Variants in STARD13 observed in about 807,000 individuals in gnomAD.
STARD13 encodes stAR-related lipid transfer protein 13.
A neutral mutation model predicts 106.4 loss-of-function variants in STARD13; 62 were observed. The observed-to-expected ratio is 0.58, with a 90% CI of 0.48 to 0.72. The LOEUF (loss-of-function observed/expected upper bound fraction) is 0.72. Ranked by LOEUF, STARD13 falls within the 30% of genes least tolerant of loss-of-function variation. STARD13 has a pLI of 0.00. For missense variants in STARD13, 1,387 were observed against 1,424.0 expected (o/e 0.97, Z 0.42); for synonymous variants, 565 against 553.0 (o/e 1.02, Z -0.31).
chr13:33,531,054 T>A, the STARD13 span, among the ~76,000 whole-genome samples: 1 of 152,140 alleles, frequency 6.6e-6, no homozygotes, highest in African/African-American at 2.4e-5. Flanking sequence ...AACTGAATCA[T>A]GAGGGCAGGT....
At chr13:33,513,298 A>G in the STARD13 span, among the ~76,000 whole-genome samples, 1 of 152,172 alleles carries the variant, frequency 6.6e-6, no homozygotes, top group African/African-American at 2.4e-5. Context: ...GGGATCACTG[A>G]GTTCTATTTG....
chr13:33,424,364 A>G, the STARD13 span, among the ~76,000 whole-genome samples: 1 of 152,204 alleles, frequency 6.6e-6, no homozygotes. Context: ...AGTGCTCTTC[A>G]GGATTGTGAG....
chr13:33,483,101 G>C, the STARD13 span, among the ~76,000 whole-genome samples: 11 of 152,206 alleles, frequency 7.2e-5, no homozygotes, highest in Non-Finnish European at 1.6e-4. Flanking sequence ...AAATTCTAAA[G>C]TGAGTTAAGG....
At chr13:33,388,954 CTTT>C in the STARD13 span, among the ~76,000 whole-genome samples, 7 of 128,376 alleles carry the variant, frequency 5.5e-5, no homozygotes, top group Non-Finnish European at 6.6e-5. Flanking sequence ...AGGGGTCCTT[CTTT>C]TTTTTTTTTT....
In STARD13 at chr13:33,117,947, C is replaced by T. The variant is rs1875635758; in HGVS notation, c.2281+118G>A. 2.0e-6 allele frequency: 3 copies of T among 1,520,996 alleles called. No individual in the cohort carries two copies. The Admixed American group carries it at 6.1e-5, about 31-fold the overall frequency. 94.2% of individuals were successfully genotyped at this position (1,520,996 alleles called of 1,614,324 possible). A position where few individuals can be genotyped will look rare whatever the true frequency, so the allele number is the denominator to read the frequency against. On this transcript the variant is annotated intron_variant, in intron 8 of 13. Coordinates refer to ENST00000336934, the MANE Select transcript of STARD13 (RefSeq NM_178006.4). ...ACTTCCGTAGAGGAGAGCAGGATTA[C>T]ATACATCTTTATGGATTGATGTATT...
intron 1 of STARD13, among the ~76,000 whole-genome samples, chr13:33,181,884 G>A (rs1885272894): frequency 6.6e-6 from 1 of 151,216 alleles, no homozygotes; most frequent in Non-Finnish European, 1.5e-5. Context: ...GAGAGATTTA[G>A]TCTTGGAAGA....
the STARD13 span, among the ~76,000 whole-genome samples, chr13:33,359,792 A>C: frequency 6.6e-5 from 10 of 152,220 alleles, no homozygotes; most frequent in Non-Finnish European, 1.5e-4. Flanking sequence ...AGTTTGTAGA[A>C]ATTTGGAGGT....
At chr13:33,201,149 T>C (rs1328223093) in intron 1 of STARD13, among the ~76,000 whole-genome samples, 1 of 152,158 alleles carries the variant, frequency 6.6e-6, no homozygotes, top group Non-Finnish European at 1.5e-5. Flanking sequence ...TGGGATGAGA[T>C]GGAAATGTTC....
chr13:33,390,947 G>A, the STARD13 span, among the ~76,000 whole-genome samples: 1 of 152,008 alleles, frequency 6.6e-6, no homozygotes, highest in African/African-American at 2.4e-5. Flanking sequence ...TCTTTAACAG[G>A]ACATACTGAT....
intron 7 of STARD13, among the ~76,000 whole-genome samples, chr13:33,121,878 T>G (rs1159457924): frequency 6.6e-6 from 1 of 150,692 alleles, no homozygotes; most frequent in African/African-American, 2.4e-5. Context: ...AAAGTCTCGC[T>G]CTTATCCCCC....
At chr13:33,113,057 C>A in intron 8 of STARD13, 126 bp from the exon 9 acceptor site, 5 of 652,848 alleles carry the variant, frequency 7.7e-6, no homozygotes, top group Non-Finnish European at 1.0e-5. Context: ...CAAAAACAAC[C>A]AGAACAGCAG....
At chr13:33,264,459 G>A (rs1890795967) in intron 1 of STARD13, among the ~76,000 whole-genome samples, 1 of 152,188 alleles carries the variant, frequency 6.6e-6, no homozygotes, top group African/African-American at 2.4e-5. Flanking sequence ...GAAACAGCCA[G>A]GGAATGAGTC....
At chr13:33,335,629 C>T (rs2077887397) in intron 1 of STARD13, among the ~76,000 whole-genome samples, 1 of 152,226 alleles carries the variant, frequency 6.6e-6, no homozygotes, top group Admixed American at 6.5e-5. Flanking sequence ...TAACGGTAAG[C>T]ATAGTCAACA....
In STARD13 at chr13:33,105,399, C is replaced by A; in HGVS notation, c.*194G>T. 1 of 545,836 alleles carries A rather than the reference C, an allele frequency of 1.8e-6. No individual in the cohort carries two copies. The allele number at this position is 545,836 out of a possible 1,614,324, so 33.8% of individuals were successfully genotyped here. ...AAAATTATATTAGTAGGGATGTAGC[C>A]ATCTCCAGGAAGGCTAAGAAAGTTC... On this transcript the variant is annotated 3_prime_UTR_variant, in exon 14 of 14. Coordinates refer to ENST00000336934, the MANE Select transcript of STARD13 (RefSeq NM_178006.4).
chr13:33,153,996 G>A (rs926607564), intron 3 of STARD13, among the ~76,000 whole-genome samples: 1 of 152,196 alleles, frequency 6.6e-6, no homozygotes, highest in South Asian at 2.1e-4. Context: ...TCCTCCTCGG[G>A]CTGTAGCTGC....
the STARD13 span, among the ~76,000 whole-genome samples, chr13:33,473,555 T>C: frequency 2.6e-5 from 4 of 152,184 alleles, no homozygotes; most frequent in African/African-American, 9.7e-5. Context: ...ATCTCAGTGA[T>C]TGGCTTTCTG....
At chr13:33,370,951 T>C in the STARD13 span, among the ~76,000 whole-genome samples, 1 of 151,842 alleles carries the variant, frequency 6.6e-6, no homozygotes, top group Non-Finnish European at 1.5e-5. Flanking sequence ...AGTATAGAAA[T>C]AATAATTTCA....
At chr13:33,376,619 T>A in the STARD13 span, among the ~76,000 whole-genome samples, 5 of 151,528 alleles carry the variant, frequency 3.3e-5, no homozygotes, top group South Asian at 2.1e-4. Flanking sequence ...AGACCCCATC[T>A]TTAAAAAAAA....
intron 4 of STARD13, among the ~76,000 whole-genome samples, chr13:33,139,593 G>A (rs957245776): frequency 2.6e-5 from 4 of 152,142 alleles, no homozygotes; most frequent in African/African-American, 7.2e-5. Flanking sequence ...TTCTTGGATG[G>A]CTTAACATGG....
Sources: gnomAD v4.1 joint callset for allele counts (sites outside exome capture counted in the v4.1 genomes callset) on GRCh38, gnomAD v4.1.1 for gene constraint, MANE v1.5 for transcripts, NCBI Gene and HGNC (gene_info 2026-07-23, HGNC 2026-07-21) for gene names.